The following SV2B variants were observed in gnomAD, a reference collection of about 807,000 sequenced individuals.
The protein encoded by SV2B is solute carrier family 22 member B2.
In SV2B, 41 loss-of-function variants were observed where a neutral mutation model predicts 73.9. The observed-to-expected ratio is 0.56, with a 90% CI of 0.43 to 0.72. The LOEUF (loss-of-function observed/expected upper bound fraction) is 0.72, where lower values mean the gene tolerates loss of function less well. SV2B is among the 30% of genes least tolerant of loss of function. The probability of loss-of-function intolerance (pLI) is 0.00; values close to 1 mark genes in which losing one functional copy is unlikely to be tolerated. For missense variants in SV2B, 764 were observed against 857.8 expected, an observed-to-expected ratio of 0.89 and a Z score of 1.37; for synonymous variants, 314 against 314.2, an observed-to-expected ratio of 1.00 and a Z score of 0.01.
At chr15:91,221,768 A>G (rs771981155) in intron 1 of SV2B, among the ~76,000 whole-genome samples, 1 of 151,768 alleles carries the variant, frequency 6.6e-6, no homozygotes, top group African/African-American at 2.4e-5. Context: ...TTGCCGTTAG[A>G]TTTTTTATTA....
At chr15:91,272,640 A>T (rs1252913363) in intron 9 of SV2B, among the ~76,000 whole-genome samples, 1 of 152,128 alleles carries the variant, frequency 6.6e-6, no homozygotes, top group African/African-American at 2.4e-5. Flanking sequence ...TGAATAGCTC[A>T]GTATGAAAAT....
chr15:91,260,516 C>A, intron 6 of SV2B, 107 bp downstream of exon 6: 1 of 762,882 alleles, frequency 1.3e-6, no homozygotes, highest in Non-Finnish European at 2.1e-6. Context: ...AAAAGGAGAA[C>A]AAAGACTCTG....
intron 9 of SV2B, among the ~76,000 whole-genome samples, chr15:91,272,991 C>G (rs1465165515): frequency 6.6e-6 from 1 of 151,916 alleles, no homozygotes; most frequent in African/African-American, 2.4e-5. Flanking sequence ...TGCCACCATG[C>G]CCGGCTAGTA....
chr15:91,253,756 C>T lies in SV2B; in HGVS notation c.784+1236C>T, dbSNP rs989805746. On this transcript the variant is annotated intron_variant, in intron 4 of 12. Transcript: ENST00000394232. The surrounding 1 kb of genome is among the most constrained non-coding windows in gnomAD (Gnocchi z 5.0). ...AAGGCCAGGAAGTAGAACACACTCA[C>T]CATTTCCGCTCACATTCCAGTGGCC... is the stretch of plus-strand genomic sequence containing the variant. Among the ~76,000 whole-genome samples the T allele has an allele frequency of 2.0e-5, 3 of 152,246 alleles. No homozygotes were observed. Among genetic ancestry groups the T allele is most frequent in the African/African-American group, 7.2e-5 (3 of 41,462 alleles).
chr15:91,192,767 G>A (rs571793567), intron 1 of SV2B, among the ~76,000 whole-genome samples: 1 of 152,348 alleles, frequency 6.6e-6, no homozygotes, highest in Admixed American at 6.5e-5. Context: ...TTTGCTCGTA[G>A]TGGACAGATG....
intron 9 of SV2B, among the ~76,000 whole-genome samples, chr15:91,279,625 A>G (rs893800830): frequency 1.3e-5 from 2 of 152,174 alleles, no homozygotes; most frequent in African/African-American, 2.4e-5. Flanking sequence ...ACTTGGAGAG[A>G]CATTTTAAGG....
Position 91,137,708 on chromosome 15 carries a change from GTTA to G in SV2B, c.-392+37349_-392+37351del, listed in dbSNP as rs1288157631. Among the ~76,000 whole-genome samples, 1 of 148,422 alleles carries G rather than the reference GTTA, an allele frequency of 6.7e-6. No homozygotes were observed. Among genetic ancestry groups the G allele is most frequent in the Non-Finnish European group, 1.5e-5 (1 of 67,540 alleles). ...TACACACACACACACATTTGCACAG[GTTA>G]TTAATTGTAGCCAACAGCATTAATT... On this transcript the variant is annotated intron_variant, in intron 1 of 12. Coordinates refer to ENST00000394232, the MANE Select transcript of SV2B (RefSeq NM_001323032.3). This position sits in a 1 kb window ranked among gnomAD's most constrained non-coding sequence, Gnocchi z 4.9.
At chr15:91,117,338 C>T (rs138286739) in intron 1 of SV2B, among the ~76,000 whole-genome samples, 15 of 152,332 alleles carry the variant, frequency 9.8e-5, no homozygotes, top group African/African-American at 3.4e-4. Context: ...TTAAAGGAGA[C>T]AATACAGTGC....
At chr15:91,153,229 T>C (rs7498005) in intron 1 of SV2B, among the ~76,000 whole-genome samples, 111,163 of 152,118 alleles carry the variant, frequency 0.73, 41,200 homozygotes, top group African/African-American at 0.84. Flanking sequence ...AATACTATCA[T>C]CTTAGGGGTT....
chr15:91,153,936 G>T (rs1032354902), intron 1 of SV2B, among the ~76,000 whole-genome samples: 3 of 151,994 alleles, frequency 2.0e-5, no homozygotes, highest in Admixed American at 6.6e-5. Context: ...TGTGGTCTGA[G>T]GGGGGACATC....
chr15:91,148,731 G>GA (rs2043220584), intron 1 of SV2B, among the ~76,000 whole-genome samples: 1 of 152,134 alleles, frequency 6.6e-6, no homozygotes. Flanking sequence ...TGGCAAGCTG[G>GA]AGACCCAGGA....
intron 1 of SV2B, among the ~76,000 whole-genome samples, chr15:91,157,317 G>A (rs971723459): frequency 7.9e-5 from 12 of 152,134 alleles, no homozygotes; most frequent in African/African-American, 2.4e-5. Context: ...CAAGGGAGGT[G>A]TCCTAGATCA....
At chr15:91,198,389 A>C (rs2045330831) in intron 1 of SV2B, among the ~76,000 whole-genome samples, 1 of 151,234 alleles carries the variant, frequency 6.6e-6, no homozygotes, top group Admixed American at 6.6e-5. Context: ...TCGGCACTGA[A>C]CGGATTTTTC....
chr15:91,137,569 AATATATATATATATATTTCTC>A lies in SV2B; in HGVS notation c.-392+37221_-392+37241del, dbSNP rs1293701775. 1.1e-4 allele frequency among the ~76,000 whole-genome samples: 14 copies of A among 132,892 alleles called. No homozygotes were observed. The highest frequency in any genetic ancestry group is 3.0e-4 in the African/African-American group (11 of 36,698). 87.2% of individuals were successfully genotyped at this position (132,892 alleles called of 152,430 possible). The stretch of plus-strand genomic sequence containing the variant: ...ACAGGACAAAACTAGGAAAATGTGA[AATATATATATATATATTTCTC>A]ATATATATATATATTTCATATATAT... On this transcript the variant is annotated intron_variant, in intron 1 of 12. Transcript: ENST00000394232. The surrounding 1 kb of genome is among the most constrained non-coding windows in gnomAD (Gnocchi z 4.9).
At position 91,299,584 on chromosome 15, in the gene SV2B, T is replaced by A. The variant is rs7177980; in HGVS notation, c.*7032T>A. On this transcript the variant is annotated 3_prime_UTR_variant, in exon 13 of 13. Coordinates refer to ENST00000394232, the MANE Select transcript of SV2B (RefSeq NM_001323032.3). ...TGGTAGGTATCCTTAAATATATAGATGCTTACCAGTAGGTTTAATAGAAGA... is the reference window on the plus strand; with the variant it reads ...TGGTAGGTATCCTTAAATATATAGAAGCTTACCAGTAGGTTTAATAGAAGA... 6.6e-6 allele frequency: 1 copy of A among 152,174 alleles called. No homozygotes were observed. Among genetic ancestry groups the A allele is most frequent in the African/African-American group, 2.4e-5 (1 of 41,424 alleles). 9.4% of individuals were successfully genotyped at this position (152,174 alleles called of 1,614,324 possible).
At chr15:91,151,458 A>T (rs1177847451) in intron 1 of SV2B, among the ~76,000 whole-genome samples, 2 of 152,232 alleles carry the variant, frequency 1.3e-5, no homozygotes, top group Admixed American at 1.3e-4. Flanking sequence ...GCCTGAGACC[A>T]CTAAGGACCA....
At chr15:91,194,814 T>A (rs1053122865) in intron 1 of SV2B, among the ~76,000 whole-genome samples, 9 of 152,114 alleles carry the variant, frequency 5.9e-5, no homozygotes, top group African/African-American at 2.2e-4. Context: ...CATGGAGGAT[T>A]CTTCTTCCCC....
In SV2B at chr15:91,239,762, G is replaced by A. The variant is rs903629050; in HGVS notation, c.452-12057G>A. ...ATCATAAAGATACTCATTATTTATT[G>A]ATCAAGAATTTTCAAAGTAGGTGGT... On this transcript the variant is annotated intron_variant, in intron 2 of 12. Transcript: ENST00000394232. This position sits in a 1 kb window ranked among gnomAD's most constrained non-coding sequence, Gnocchi z 5.1. Among the ~76,000 whole-genome samples, 3 of 152,142 alleles carry A rather than the reference G, an allele frequency of 2.0e-5. No homozygotes were observed. The highest frequency in any genetic ancestry group is 4.4e-5 in the Non-Finnish European group (3 of 68,010).
chr15:91,261,321 T>C lies in SV2B; in HGVS notation c.1008+912T>C, dbSNP rs1196010041. Among the ~76,000 whole-genome samples, 1 of 152,192 alleles carries C rather than the reference T, an allele frequency of 6.6e-6. No individual in the cohort carries two copies. Among genetic ancestry groups the C allele is most frequent in the Non-Finnish European group, 1.5e-5 (1 of 68,032 alleles). On this transcript the variant is annotated intron_variant, in intron 6 of 12. Transcript: ENST00000394232. This position sits in a 1 kb window ranked among gnomAD's most constrained non-coding sequence, Gnocchi z 4.7. ...CTGGGGATAAGCATATGTATGTATATTTATGTGTACATATTATTTAATAGT... is the reference window on the plus strand; with the variant it reads ...CTGGGGATAAGCATATGTATGTATACTTATGTGTACATATTATTTAATAGT...
Sources: gnomAD v4.1 joint callset for allele counts (sites outside exome capture counted in the v4.1 genomes callset) on GRCh38, gnomAD v4.1.1 for gene constraint, Gnocchi (gnomAD v3.1) non-coding constraint, MANE v1.5 for transcripts, NCBI Gene and HGNC (gene_info 2026-07-23, HGNC 2026-07-21) for gene names.